SPATS2L: variants seen among roughly 807,000 people sequenced by gnomAD.
The protein encoded by SPATS2L is SPATS2-like protein.
SPATS2L carries 30 observed loss-of-function variants against 59.6 expected under a neutral mutation model. The ratio of observed to expected loss-of-function variants is 0.50; its 90% CI spans 0.38 to 0.68. The LOEUF (loss-of-function observed/expected upper bound fraction) is 0.68. SPATS2L is among the 30% of genes least tolerant of loss of function. The pLI is 0.00. For synonymous variants in SPATS2L, 252 were observed against 263.5 expected (o/e 0.96, Z 0.42); for missense variants, 615 against 700.0 (o/e 0.88, Z 1.37).
intron 2 of SPATS2L, among the ~76,000 whole-genome samples, chr2:200,362,411 GCA>G (rs2105873016): frequency 6.6e-6 from 1 of 152,354 alleles, no homozygotes; most frequent in East Asian, 1.9e-4. Flanking sequence ...TGAGGGAGCT[GCA>G]CAGTCTTCTG....
chr2:200,350,381 T>C (rs1467242528), intron 2 of SPATS2L, among the ~76,000 whole-genome samples: 1 of 152,116 alleles, frequency 6.6e-6, no homozygotes, highest in African/African-American at 2.4e-5. Flanking sequence ...CTTTTAAAAA[T>C]TACTTTCTCA....
At chr2:200,468,360 A>ACACACACACACACG (rs1357003286) in intron 10 of SPATS2L, among the ~76,000 whole-genome samples, 1 of 150,998 alleles carries the variant, frequency 6.6e-6, no homozygotes, top group East Asian at 1.9e-4. Context: ...ACACACACAC[A>ACACACACACACACG]CACACACACA....
intron 3 of SPATS2L, among the ~76,000 whole-genome samples, chr2:200,398,037 G>T (rs1282817641): frequency 6.6e-6 from 1 of 152,214 alleles, no homozygotes; most frequent in African/African-American, 2.4e-5. Context: ...TTACAATGCA[G>T]TATTGAATTT....
chr2:200,364,144 G>A (rs1364954772), intron 2 of SPATS2L, among the ~76,000 whole-genome samples: 1 of 152,148 alleles, frequency 6.6e-6, no homozygotes, highest in Non-Finnish European at 1.5e-5. Flanking sequence ...CTAGAATCTA[G>A]AAAGGGCAAG....
At chr2:200,336,295 C>G (rs573374592) in intron 2 of SPATS2L, among the ~76,000 whole-genome samples, 1 of 152,032 alleles carries the variant, frequency 6.6e-6, no homozygotes, top group African/African-American at 2.4e-5. Context: ...TCGTCCTGTT[C>G]GTATTGCCTT....
intron 2 of SPATS2L, among the ~76,000 whole-genome samples, chr2:200,385,320 G>T (rs1037161821): frequency 5.3e-5 from 8 of 152,178 alleles, no homozygotes; most frequent in African/African-American, 1.7e-4. Flanking sequence ...TAAACCCTGG[G>T]CCTGTCATGT....
intron 8 of SPATS2L, among the ~76,000 whole-genome samples, chr2:200,456,870 G>C (rs980467525): frequency 6.6e-6 from 1 of 152,120 alleles, no homozygotes; most frequent in South Asian, 2.1e-4. Flanking sequence ...TCAGGGAAGG[G>C]AATCCTAATT....
chr2:200,467,252 T>C (rs768822901), intron 9 of SPATS2L, 38 bp from the exon 10 acceptor site: 11 of 1,339,766 alleles, frequency 8.2e-6, no homozygotes, highest in Admixed American at 1.7e-5. Flanking sequence ...TATGTTTCAA[T>C]CTCTGGCCCT....
intron 2 of SPATS2L, among the ~76,000 whole-genome samples, chr2:200,376,674 T>G (rs549735343): frequency 6.6e-6 from 1 of 152,380 alleles, no homozygotes; most frequent in South Asian, 2.1e-4. Flanking sequence ...CGATCCATTC[T>G]ATGCAGAAGT....
At chr2:200,374,343 C>T (rs764637703) in intron 2 of SPATS2L, among the ~76,000 whole-genome samples, 5 of 152,166 alleles carry the variant, frequency 3.3e-5, no homozygotes. Flanking sequence ...AGTATTGCCT[C>T]AAAGTAGTGC....
chr2:200,445,275 TGCACTCCAGCTTGG>T (rs1379964920), intron 8 of SPATS2L, among the ~76,000 whole-genome samples: 1 of 152,192 alleles, frequency 6.6e-6, no homozygotes, highest in Non-Finnish European at 1.5e-5. Flanking sequence ...GTCGTGCCAC[TGCACTCCAGCTTGG>T]GCAGCAGAGT....
chr2:200,450,101 C>A (rs1452526660), intron 8 of SPATS2L, among the ~76,000 whole-genome samples: 2 of 152,182 alleles, frequency 1.3e-5, no homozygotes, highest in Admixed American at 1.3e-4. Flanking sequence ...TCTACATATT[C>A]TAGCTCTGAA....
chr2:200,383,650 C>T (rs1161545103), intron 2 of SPATS2L, among the ~76,000 whole-genome samples: 1 of 152,118 alleles, frequency 6.6e-6, no homozygotes, highest in Non-Finnish European at 1.5e-5. Flanking sequence ...TGGTCATTTT[C>T]CCTCTCTAAG....
Position 200,418,581 on chromosome 2 carries a change from T to TAATAAATAAATAAATA in SPATS2L, c.199-647_199-632dup, listed in dbSNP as rs146482107. 3.4e-3 allele frequency among the ~76,000 whole-genome samples: 491 copies of TAATAAATAAATAAATA among 145,394 alleles called. 3 individuals are homozygous for TAATAAATAAATAAATA. Among genetic ancestry groups the TAATAAATAAATAAATA allele is most frequent in the African/African-American group, 5.8e-3 (229 of 39,346 alleles). On this transcript the variant is annotated intron_variant, in intron 5 of 12. Coordinates refer to ENST00000409140, the MANE Select transcript of SPATS2L (RefSeq NM_001100423.2). The stretch of plus-strand genomic sequence containing the variant: ...AGAGCCAGAGTGAGACCTTATTAAA[T>TAATAAATAAATAAATA]AATAAATAAATAAATAAATAAATAA...
intron 3 of SPATS2L, among the ~76,000 whole-genome samples, chr2:200,407,589 A>G (rs568864523): frequency 3.3e-4 from 51 of 152,348 alleles, no homozygotes; most frequent in African/African-American, 1.2e-3. Context: ...CCTTGGAAGG[A>G]TAGACAGGCA....
At chr2:200,441,560 C>T (rs1024411531) in intron 8 of SPATS2L, among the ~76,000 whole-genome samples, 1 of 152,162 alleles carries the variant, frequency 6.6e-6, no homozygotes, top group Non-Finnish European at 1.5e-5. Context: ...GTTATCAGGA[C>T]TCAGTCTGTC....
At chr2:200,336,735 G>A (rs2080156117) in intron 2 of SPATS2L, among the ~76,000 whole-genome samples, 1 of 152,192 alleles carries the variant, frequency 6.6e-6, no homozygotes, top group South Asian at 2.1e-4. Flanking sequence ...ATGTTCATAT[G>A]TCTGAAAAAT....
chr2:200,433,847 C>T (rs1173962223), intron 6 of SPATS2L, among the ~76,000 whole-genome samples: 2 of 151,972 alleles, frequency 1.3e-5, no homozygotes, highest in Admixed American at 6.6e-5. Context: ...AGATGACTTC[C>T]TTAGTGAATT....
intron 1 of SPATS2L, among the ~76,000 whole-genome samples, chr2:200,323,057 C>T (rs2079616774): frequency 1.3e-5 from 2 of 152,146 alleles, no homozygotes; most frequent in African/African-American, 2.4e-5. Flanking sequence ...CTTCAAATCT[C>T]GACAGAACAT....
Sources: gnomAD v4.1 joint callset for allele counts (sites outside exome capture counted in the v4.1 genomes callset) on GRCh38, gnomAD v4.1.1 for gene constraint, MANE v1.5 for transcripts, NCBI Gene and HGNC (gene_info 2026-07-23, HGNC 2026-07-21) for gene names.